The following IRGM variants were observed in gnomAD, a reference collection of about 807,000 sequenced individuals.
IRGM encodes the protein immunity-related GTPase family M protein.
For synonymous variants in IRGM, 98 were observed against 80.6 expected, an observed-to-expected ratio of 1.22 and a Z score of -1.16; for missense variants, 288 against 219.9, an observed-to-expected ratio of 1.31 and a Z score of -1.96.
At chr5:150,874,415 G>A (rs1469481182) in intron 1 of IRGM, among the ~76,000 whole-genome samples, 3 of 152,184 alleles carry the variant, frequency 2.0e-5, no homozygotes, top group African/African-American at 7.2e-5. Flanking sequence ...TTCTACCTCA[G>A]TAAAAGTTCT....
At chr5:150,856,707 C>A (rs1395961545) in intron 1 of IRGM, among the ~76,000 whole-genome samples, 2 of 151,204 alleles carry the variant, frequency 1.3e-5, no homozygotes, top group Admixed American at 6.6e-5. Context: ...TGGGCTCAAG[C>A]AATCCACCTG....
At chr5:150,897,053 C>T in intron 3 of IRGM, 1 of 1,118,414 alleles carries the variant, frequency 8.9e-7, no homozygotes, top group Non-Finnish European at 1.3e-6. Flanking sequence ...AATGGATGAT[C>T]CAACATAGTA....
chr5:150,878,247 T>C, intron 2 of IRGM: 1 of 317,650 alleles, frequency 3.1e-6, no homozygotes, highest in South Asian at 2.6e-5. Flanking sequence ...GATCCCAACT[T>C]CCTGACTCAG....
At chr5:150,901,891 A>G (rs1307290023), downstream of IRGM, among the ~76,000 whole-genome samples, 2 of 152,172 alleles carry the variant, frequency 1.3e-5, no homozygotes, top group Non-Finnish European at 2.9e-5. Context: ...AGACCTTTAT[A>G]TTGGACAGTA....
chr5:150,876,290 G>A (rs1754361791), intron 1 of IRGM, among the ~76,000 whole-genome samples: 1 of 152,194 alleles, frequency 6.6e-6, no homozygotes, highest in South Asian at 2.1e-4. Context: ...AAATCAAGGG[G>A]TGGAAGTGGA....
Position 150,848,469 on chromosome 5 carries a change from A to G in IRGM, c.346A>G (p.Ile116Val). ...MEMQFNRYDF[I>V]MVASAQFSMN... ...AATGCAGTTCAACCGGTATGACTTC[A>G]TCATGGTTGCATCTGCACAATTCAG... The change falls in exon 2 of 2, where the codon ATC becomes GTC. Residue 116 changes from isoleucine (I) to valine (V), a missense_variant. Coordinates refer to ENST00000522154, the MANE Select transcript of IRGM (RefSeq NM_001145805.2). 2 of 1,551,872 alleles carry G rather than the reference A, an allele frequency of 1.3e-6. No homozygotes were observed. The highest frequency in any genetic ancestry group is 2.4e-5 in the East Asian group (1 of 41,060).
chr5:150,896,228 T>C (rs755650345), intron 3 of IRGM: 2 of 1,613,576 alleles, frequency 1.2e-6, no homozygotes, highest in Non-Finnish European at 1.7e-6. Context: ...TAAGGGACGA[T>C]TTCTGAGAGA....
At chr5:150,853,446 T>A (rs539189627), downstream of IRGM, among the ~76,000 whole-genome samples, 4 of 152,098 alleles carry the variant, frequency 2.6e-5, no homozygotes, top group Non-Finnish European at 4.4e-5. Context: ...GTCCAATTGG[T>A]CTGCAGAATT....
intron 3 of IRGM, among the ~76,000 whole-genome samples, chr5:150,898,823 T>C (rs1169347006): frequency 6.6e-6 from 1 of 151,982 alleles, no homozygotes; most frequent in Non-Finnish European, 1.5e-5. Flanking sequence ...TGAATCGTTT[T>C]GAAACAATGA....
intron 3 of IRGM, among the ~76,000 whole-genome samples, chr5:150,899,247 A>G (rs1312516312): frequency 6.6e-6 from 1 of 152,060 alleles, no homozygotes; most frequent in Non-Finnish European, 1.5e-5. Context: ...TGTCACAGCA[A>G]TCCTAGCAAA....
intron 3 of IRGM, chr5:150,898,375 A>C (rs1213903737): frequency 8.1e-6 from 13 of 1,612,930 alleles, no homozygotes; most frequent in Non-Finnish European, 1.1e-5. Context: ...GCAACTAGTA[A>C]GGAAAGGCAC....
In IRGM at chr5:150,859,776, C is replaced by T. The variant is rs186376772; in HGVS notation, c.158+11122C>T. On this transcript the variant is annotated intron_variant and NMD_transcript_variant, in intron 1 of 3. Transcript: ENST00000520549. ...TTTCTGTGGGATCGGTGGTGATATC[C>T]CCTTTATCATTTTTTATTGCATCTA... Among the ~76,000 whole-genome samples the T allele has an allele frequency of 4.5e-3, 690 of 151,978 alleles. 5 individuals are homozygous for T. The highest frequency in any genetic ancestry group is 6.2e-3 in the Admixed American group (94 of 15,284).
rs556739615 is a variant in IRGM at position 150,855,362 on chromosome 5, AG to A, written c.158+6710del. 1.8e-4 allele frequency among the ~76,000 whole-genome samples: 28 copies of A among 152,330 alleles called. No homozygotes were observed. In the East Asian group the frequency reaches 5.4e-3, roughly 29 times the overall value. On this transcript the variant is annotated intron_variant and NMD_transcript_variant, in intron 1 of 3. Coordinates refer to the IRGM transcript ENST00000520549. ...TTTCTCATTTTTTTCTTTATCCTTA[AG>A]GAAGAGTTTGTTTTATTCATTATAA...
intron 3 of IRGM, among the ~76,000 whole-genome samples, chr5:150,894,210 A>G (rs1561753422): frequency 6.6e-6 from 1 of 152,050 alleles, no homozygotes; most frequent in Non-Finnish European, 1.5e-5. Context: ...AAGGGTGCTC[A>G]TCTAAAAATG....
chr5:150,898,836 A>G (rs1341161328), intron 3 of IRGM, among the ~76,000 whole-genome samples: 1 of 152,072 alleles, frequency 6.6e-6, no homozygotes, highest in East Asian at 1.9e-4. Context: ...AACAATGAAT[A>G]GTAAAGAGGA....
At chr5:150,897,845 C>A in intron 3 of IRGM, 1 of 476,324 alleles carries the variant, frequency 2.1e-6, no homozygotes, top group South Asian at 7.2e-5. Flanking sequence ...GCCTTTAAAA[C>A]CCTTTCAGGA....
At chr5:150,896,705 A>G (rs1156911016) in intron 3 of IRGM, 2 of 1,613,504 alleles carry the variant, frequency 1.2e-6, no homozygotes, top group African/African-American at 1.3e-5. Flanking sequence ...GTATTGATAT[A>G]TCTGTTTCTA....
chr5:150,865,803 C>G (rs1754199760), intron 1 of IRGM, among the ~76,000 whole-genome samples: 1 of 152,132 alleles, frequency 6.6e-6, no homozygotes. Context: ...GTTGCCCAGG[C>G]TGGAGTGCAG....
chr5:150,884,944 C>G (rs1043186660), intron 3 of IRGM, among the ~76,000 whole-genome samples: 3 of 152,068 alleles, frequency 2.0e-5, no homozygotes, highest in Non-Finnish European at 2.9e-5. Flanking sequence ...TCAACTGTCA[C>G]GTTTGTCATG....
Sources: gnomAD v4.1 joint callset for allele counts (sites outside exome capture counted in the v4.1 genomes callset) on GRCh38, gnomAD v4.1.1 for gene constraint, MANE v1.5 for transcripts, NCBI Gene and HGNC (gene_info 2026-07-23, HGNC 2026-07-21) for gene names.